Variants in DIS3L2 observed in about 807,000 individuals in gnomAD.
The protein encoded by DIS3L2 is DIS3-like exonuclease 2.
DIS3L2 carries 34 observed loss-of-function variants against 97.5 expected under a neutral mutation model. That is an observed-to-expected ratio of 0.35 (90% CI 0.27 to 0.46). The LOEUF is 0.46. DIS3L2 is among the 20% of genes least tolerant of loss of function. DIS3L2 has a pLI of 1.00. For synonymous variants in DIS3L2, 435 were observed against 445.2 expected (o/e 0.98, Z 0.29); for missense variants, 1,038 against 1,146.0 (o/e 0.91, Z 1.36).
chr2:232,022,942 C>A (rs1694559928), intron 3 of DIS3L2: 1 of 152,230 alleles, frequency 6.6e-6, no homozygotes, highest in Admixed American at 6.5e-5. Flanking sequence ...CTGGTCCCTC[C>A]CTCTTCTGTG....
intron 1 of DIS3L2, among the ~76,000 whole-genome samples, chr2:231,965,418 A>G (rs1018713665): frequency 6.6e-6 from 1 of 151,770 alleles, no homozygotes; most frequent in Non-Finnish European, 1.5e-5. Flanking sequence ...ATTGAAGGCC[A>G]GAGCAATTTA....
At chr2:231,973,158 T>G (rs1458319800) in intron 1 of DIS3L2, among the ~76,000 whole-genome samples, 2 of 152,212 alleles carry the variant, frequency 1.3e-5, no homozygotes, top group Non-Finnish European at 2.9e-5. Flanking sequence ...AAGTTTTCTT[T>G]GTAGAAAAGT....
At chr2:232,157,441 A>G (rs1690522853) in intron 8 of DIS3L2, among the ~76,000 whole-genome samples, 1 of 152,240 alleles carries the variant, frequency 6.6e-6, no homozygotes, top group African/African-American at 2.4e-5. Flanking sequence ...TCAGATCATT[A>G]CATCATGCCA....
intron 13 of DIS3L2, among the ~76,000 whole-genome samples, chr2:232,285,832 G>A (rs908784239): frequency 2.0e-5 from 3 of 152,148 alleles, no homozygotes; most frequent in South Asian, 2.1e-4. Flanking sequence ...TTATCACGGG[G>A]CCCTGCATTG....
rs193302554 is a variant in DIS3L2 at position 232,201,306 on chromosome 2, C to T, written c.1125-9020C>T. ...ATGTTCACCATGAATCTAGTCAAGC[C>T]TTTTTACCCAACTTTCCATTTATAG... is the stretch of plus-strand genomic sequence containing the variant. On this transcript the variant is annotated intron_variant, in intron 9 of 20. Coordinates refer to ENST00000325385, the MANE Select transcript of DIS3L2 (RefSeq NM_152383.5). Among the ~76,000 whole-genome samples the T allele has an allele frequency of 3.7e-4, 56 of 152,284 alleles. 1 individual carries two copies. The highest frequency in any genetic ancestry group is 4.7e-4 in the Non-Finnish European group (32 of 68,020).
chr2:232,192,875 C>T (rs1691652755), intron 9 of DIS3L2, among the ~76,000 whole-genome samples: 1 of 152,182 alleles, frequency 6.6e-6, no homozygotes, highest in African/African-American at 2.4e-5. Context: ...CTCCCAGAAT[C>T]CAAGGGCAGG....
At chr2:232,252,120 G>A (rs1412469875) in intron 12 of DIS3L2, among the ~76,000 whole-genome samples, 1 of 152,192 alleles carries the variant, frequency 6.6e-6, no homozygotes, top group African/African-American at 2.4e-5. Context: ...TAAAGAAGAT[G>A]CTAAGTGCCA....
chr2:232,304,505 T>A (rs1440238707), intron 14 of DIS3L2, among the ~76,000 whole-genome samples: 1 of 152,196 alleles, frequency 6.6e-6, no homozygotes, highest in Non-Finnish European at 1.5e-5. Context: ...GCAGCAACGA[T>A]GAGGAAAGTG....
chr2:231,998,355 A>G (rs987522250), intron 1 of DIS3L2, among the ~76,000 whole-genome samples: 1 of 152,204 alleles, frequency 6.6e-6, no homozygotes. Flanking sequence ...TAATTCATTC[A>G]CTATGGTTGA....
intron 12 of DIS3L2, among the ~76,000 whole-genome samples, chr2:232,254,965 C>T (rs774407688): frequency 6.6e-6 from 1 of 152,174 alleles, no homozygotes; most frequent in Non-Finnish European, 1.5e-5. Flanking sequence ...CCAGACCAAG[C>T]GACCACATGA....
intron 14 of DIS3L2, among the ~76,000 whole-genome samples, chr2:232,305,467 C>A (rs1309370237): frequency 6.6e-6 from 1 of 152,044 alleles, no homozygotes; most frequent in Non-Finnish European, 1.5e-5. Context: ...TTTTTGGTGT[C>A]CTAGTCTTCT....
At chr2:232,317,139 T>G (rs1457041939) in intron 14 of DIS3L2, among the ~76,000 whole-genome samples, 1 of 152,106 alleles carries the variant, frequency 6.6e-6, no homozygotes, top group Non-Finnish European at 1.5e-5. Context: ...CATTTGTGGG[T>G]AGAGTGTGGA....
chr2:232,052,295 A>T (rs1378419189), intron 5 of DIS3L2, among the ~76,000 whole-genome samples: 5 of 152,172 alleles, frequency 3.3e-5, no homozygotes, highest in African/African-American at 1.2e-4. Context: ...AAATGTTGGG[A>T]TTACAGGCGT....
chr2:232,134,359 A>G (rs568041295), intron 7 of DIS3L2, among the ~76,000 whole-genome samples: 54 of 152,338 alleles, frequency 3.5e-4, no homozygotes, highest in Middle Eastern at 3.4e-3. Flanking sequence ...AATGCTGTCC[A>G]TCTGTACAAT....
At chr2:232,247,689 G>A (rs1358735958) in intron 11 of DIS3L2, among the ~76,000 whole-genome samples, 1 of 129,712 alleles carries the variant, frequency 7.7e-6, no homozygotes, top group Non-Finnish European at 1.6e-5. Context: ...CTGAGTAGGT[G>A]AAATCTTTAT....
rs752350108 is a variant in DIS3L2, at chr2:232,185,682, A to G, written c.1124+22050A>G. 9.9e-5 allele frequency among the ~76,000 whole-genome samples: 15 copies of G among 152,222 alleles called. 1 individual carries two copies. Among genetic ancestry groups the G allele is most frequent in the Middle Eastern group, 6.8e-3 (2 of 294 alleles). ...AAACCTCGTCTCTACTAAAAAAATA[A>G]AAACAAAAAACCCCAAAATTAGCTG... is the stretch of plus-strand genomic sequence containing the variant. On this transcript the variant is annotated intron_variant, in intron 9 of 20. Transcript: ENST00000325385.
At chr2:232,045,255 G>A (rs966167368) in intron 5 of DIS3L2, among the ~76,000 whole-genome samples, 15 of 152,112 alleles carry the variant, frequency 9.9e-5, no homozygotes, top group Non-Finnish European at 1.8e-4. Flanking sequence ...TAAAAATATG[G>A]CTAGAGGGGA....
Position 232,325,501 on chromosome 2 carries a change from C to A in DIS3L2, c.1740-4312C>A, listed in dbSNP as rs540482393. 6.6e-6 allele frequency among the ~76,000 whole-genome samples: 1 copy of A among 152,208 alleles called. No homozygotes were observed. The highest frequency in any genetic ancestry group is 1.5e-5 in the Non-Finnish European group (1 of 68,026). ...TACCTGAGCCTCCCCCTCCCCACCC[C>A]CTCCTGCCCCAGGGAGGCCCAGAAC... On this transcript the variant is annotated intron_variant, in intron 14 of 20. Coordinates refer to ENST00000325385, the MANE Select transcript of DIS3L2 (RefSeq NM_152383.5). This position sits in a 1 kb window ranked among gnomAD's most constrained non-coding sequence, Gnocchi z 4.6.
intron 9 of DIS3L2, among the ~76,000 whole-genome samples, chr2:232,182,577 T>G (rs1417185782): frequency 6.6e-6 from 1 of 152,240 alleles, no homozygotes; most frequent in African/African-American, 2.4e-5. Context: ...ATTTTTTGCT[T>G]TGTGTATTTT....
Sources: allele counts gnomAD v4.1 joint callset (sites outside exome capture counted in the v4.1 genomes callset), GRCh38; gene constraint gnomAD v4.1.1; non-coding constraint Gnocchi (gnomAD v3.1); transcripts MANE v1.5; gene names NCBI Gene and HGNC (gene_info 2026-07-23, HGNC 2026-07-21).